Variants in MAP3K4 observed in about 807,000 individuals in gnomAD.
The protein encoded by MAP3K4 is MAP three kinase 1.
A neutral mutation model predicts 185.6 loss-of-function variants in MAP3K4; 67 were observed. The ratio of observed to expected loss-of-function variants is 0.36; its 90% CI spans 0.30 to 0.44. The LOEUF is 0.44. Among genes scored for constraint, MAP3K4 ranks in the 20% least tolerant of loss-of-function variants. The probability of loss-of-function intolerance (pLI) is 1.00; values close to 1 mark genes in which losing one functional copy is unlikely to be tolerated. For synonymous variants in MAP3K4, 702 were observed against 710.4 expected, an observed-to-expected ratio of 0.99 and a Z score of 0.19; for missense variants, 1,551 against 1,995.1, an observed-to-expected ratio of 0.78 and a Z score of 4.24.
At chr6:161,016,888 G>A (rs1350474229) in intron 1 of MAP3K4, among the ~76,000 whole-genome samples, 1 of 152,150 alleles carries the variant, frequency 6.6e-6, no homozygotes, top group Admixed American at 6.5e-5. Context: ...TTTATTGCAT[G>A]GATGGTTTAA....
chr6:161,044,807 G>T (rs1167598159), intron 2 of MAP3K4, among the ~76,000 whole-genome samples: 1 of 152,190 alleles, frequency 6.6e-6, no homozygotes, highest in Admixed American at 6.5e-5. Context: ...GGAAGGTGAA[G>T]AGGAAGCAGG....
In MAP3K4 at chr6:161,100,007, A is replaced by G. The variant is rs12528950; in HGVS notation, c.3674+1580A>G. Among the ~76,000 whole-genome samples, 22,204 of 152,242 alleles carry G rather than the reference A, an allele frequency of 0.15. 2,178 individuals are homozygous for G. The highest frequency in any genetic ancestry group is 0.29 in the Admixed American group (4,456 of 15,286). On this transcript the variant is annotated intron_variant, in intron 17 of 26. Transcript: ENST00000392142. This position sits in a 1 kb window ranked among gnomAD's most constrained non-coding sequence, Gnocchi z 5.8. ...AATTTTAATAGTATCATAGCATGGT[A>G]TCTTGAAGGACATTTTTTACTCAGG...
chr6:161,106,780 AT>A lies in MAP3K4; in HGVS notation c.4048+76del. 3.9e-6 allele frequency: 5 copies of A among 1,282,208 alleles called. No individual in the cohort carries two copies. The highest frequency in any genetic ancestry group is 5.4e-6 in the Non-Finnish European group (5 of 932,774). The allele number at this position is 1,282,208 out of a possible 1,614,324, so 79.4% of individuals were successfully genotyped here. ...CAATAGTTATACTTCTTTAGGTTGA[AT>A]CCTATAGAGTTGGCCCTTTTTTCTT... On this transcript the variant is annotated intron_variant, in intron 20 of 26. Coordinates refer to ENST00000392142, the MANE Select transcript of MAP3K4 (RefSeq NM_005922.4). This position sits in a 1 kb window ranked among gnomAD's most constrained non-coding sequence, Gnocchi z 4.9.
Position 161,048,546 on chromosome 6 carries a change from A to G in MAP3K4, c.344-70A>G, listed in dbSNP as rs1783846998. On this transcript the variant is annotated intron_variant, in intron 2 of 26. Coordinates refer to ENST00000392142, the MANE Select transcript of MAP3K4 (RefSeq NM_005922.4). This position sits in a 1 kb window ranked among gnomAD's most constrained non-coding sequence, Gnocchi z 4.7. The stretch of plus-strand genomic sequence containing the variant: ...ATAAATATGTGTGAATACCAGTTTT[A>G]TTGAAAATATTGAGAGTAGCTTCAT... The G allele has an allele frequency of 1.9e-6, 2 of 1,031,558 alleles. No individual in the cohort carries two copies. The highest frequency in any genetic ancestry group is 2.8e-6 in the Non-Finnish European group (2 of 723,992). 63.9% of individuals were successfully genotyped at this position (1,031,558 alleles called of 1,614,324 possible).
At chr6:160,994,991 G>A (rs371789103) in intron 1 of MAP3K4, among the ~76,000 whole-genome samples, 12 of 152,182 alleles carry the variant, frequency 7.9e-5, no homozygotes, top group East Asian at 1.9e-4. Context: ...GAGCCACTGC[G>A]CCTGGCCAGT....
chr6:161,096,919 T>C lies in MAP3K4; in HGVS notation c.3428-161T>C. 1.9e-6 allele frequency: 1 copy of C among 531,762 alleles called. No homozygotes were observed. Among genetic ancestry groups the C allele is most frequent in the Non-Finnish European group, 3.4e-6 (1 of 296,206 alleles). The allele number at this position is 531,762 out of a possible 1,614,324, so 32.9% of individuals were successfully genotyped here. On this transcript the variant is annotated intron_variant, in intron 15 of 26. Transcript: ENST00000392142. The surrounding 1 kb of genome is among the most constrained non-coding windows in gnomAD (Gnocchi z 4.9). ...GACTTTTAAAAAGTGACATTTTCCATAATATTTGTATATGTAATATTATTT... is the reference window on the plus strand; with the variant it reads ...GACTTTTAAAAAGTGACATTTTCCACAATATTTGTATATGTAATATTATTT...
chr6:161,025,841 T>A (rs960877874), intron 1 of MAP3K4, among the ~76,000 whole-genome samples: 4 of 152,226 alleles, frequency 2.6e-5, no homozygotes, highest in African/African-American at 9.6e-5. Context: ...GTCTTTGGCA[T>A]AAGCCCCTTT....
At position 161,054,228 on chromosome 6, in the gene MAP3K4, C is replaced by A. The variant is rs1369055973; in HGVS notation, c.1707+4249C>A. On this transcript the variant is annotated intron_variant, in intron 3 of 26. Transcript: ENST00000392142. The surrounding 1 kb of genome is among the most constrained non-coding windows in gnomAD (Gnocchi z 4.2). ...GGAGTGCAATGGCGCTATCTCAGCTCCCTGAGACCTTTGCCTTGGGGGTTC... is the reference window on the plus strand; with the variant it reads ...GGAGTGCAATGGCGCTATCTCAGCTACCTGAGACCTTTGCCTTGGGGGTTC... Among the ~76,000 whole-genome samples, 2 of 152,114 alleles carry A rather than the reference C, an allele frequency of 1.3e-5. No individual in the cohort carries two copies. Among genetic ancestry groups the A allele is most frequent in the Non-Finnish European group, 2.9e-5 (2 of 68,032 alleles).
At chr6:161,094,947 G>T (rs781122331) in intron 15 of MAP3K4, among the ~76,000 whole-genome samples, 2 of 152,148 alleles carry the variant, frequency 1.3e-5, no homozygotes, top group Non-Finnish European at 2.9e-5. Context: ...CATTTTCATT[G>T]TGGAAAAATC....
rs1784617939 is a variant in MAP3K4, at chr6:161,064,525, G to A, written c.1708-6083G>A. On this transcript the variant is annotated intron_variant, in intron 3 of 26. Transcript: ENST00000392142. This position sits in a 1 kb window ranked among gnomAD's most constrained non-coding sequence, Gnocchi z 4.3. ...GTTCTGATCTGTTTATTACTGTGCA[G>A]GCTTATTCTATTTTAAATAGAGTAG... Among the ~76,000 whole-genome samples, 1 of 151,812 alleles carries A rather than the reference G, an allele frequency of 6.6e-6. No individual in the cohort carries two copies. Among genetic ancestry groups the A allele is most frequent in the Admixed American group, 6.6e-5 (1 of 15,234 alleles).
intron 13 of MAP3K4, among the ~76,000 whole-genome samples, 186 bp downstream of exon 13, chr6:161,092,329 T>G (rs1941001462): frequency 6.6e-6 from 1 of 152,144 alleles, no homozygotes; most frequent in African/African-American, 2.4e-5. Context: ...GGAAAAAATT[T>G]TTTTTTAAAT....
chr6:161,038,580 A>G (rs1334752679), intron 2 of MAP3K4, among the ~76,000 whole-genome samples: 2 of 152,192 alleles, frequency 1.3e-5, no homozygotes, highest in African/African-American at 2.4e-5. Flanking sequence ...CACCAATAAC[A>G]TTTGCATTTT....
chr6:161,080,269 C>G lies in MAP3K4; in HGVS notation c.2098-612C>G, dbSNP rs961025571. Among the ~76,000 whole-genome samples, 1 of 152,176 alleles carries G rather than the reference C, an allele frequency of 6.6e-6. No homozygotes were observed. Among genetic ancestry groups the G allele is most frequent in the Non-Finnish European group, 1.5e-5 (1 of 68,032 alleles). ...AAAACTGCTTGATAGTTGAACCCTG[C>G]TGACCACGGGATAAATCTAAAGGAG... On this transcript the variant is annotated intron_variant, in intron 5 of 26. Coordinates refer to ENST00000392142, the MANE Select transcript of MAP3K4 (RefSeq NM_005922.4). The surrounding 1 kb of genome is among the most constrained non-coding windows in gnomAD (Gnocchi z 4.8).
intron 1 of MAP3K4, among the ~76,000 whole-genome samples, chr6:161,002,419 T>C (rs1771620627): frequency 6.6e-6 from 1 of 152,164 alleles, no homozygotes; most frequent in Admixed American, 6.5e-5. Context: ...TAGATTGATC[T>C]AGCTACTGCC....
intron 2 of MAP3K4, among the ~76,000 whole-genome samples, chr6:161,035,567 C>T (rs964533247): frequency 1.3e-5 from 2 of 152,160 alleles, no homozygotes; most frequent in Admixed American, 6.5e-5. Flanking sequence ...ATGATTTTTC[C>T]ACATAAGATA....
rs1423120413 is a variant in MAP3K4 at position 161,086,014 on chromosome 6, A to C, written c.2373-365A>C. On this transcript the variant is annotated intron_variant, in intron 7 of 26. Coordinates refer to ENST00000392142, the MANE Select transcript of MAP3K4 (RefSeq NM_005922.4). The surrounding 1 kb of genome is among the most constrained non-coding windows in gnomAD (Gnocchi z 4.8). ...ATTTAGGGTCACCCAGTTGTTAAAT[A>C]TTTCCCAGATCACACTGTATAGATT... 1.3e-5 allele frequency among the ~76,000 whole-genome samples: 2 copies of C among 152,196 alleles called. No homozygotes were observed. Among genetic ancestry groups the C allele is most frequent in the African/African-American group, 4.8e-5 (2 of 41,448 alleles).
chr6:161,100,634 G>A lies in MAP3K4; in HGVS notation c.3675-1258G>A, dbSNP rs1219177669. ...CCGACATCCCCCACCAGAGCTAGTC[G>A]TTCAACATTCCCCAATATGCCACTT... On this transcript the variant is annotated intron_variant, in intron 17 of 26. Transcript: ENST00000392142. This position sits in a 1 kb window ranked among gnomAD's most constrained non-coding sequence, Gnocchi z 5.8. Among the ~76,000 whole-genome samples, 1 of 152,050 alleles carries A rather than the reference G, an allele frequency of 6.6e-6. No individual in the cohort carries two copies. Among genetic ancestry groups the A allele is most frequent in the Non-Finnish European group, 1.5e-5 (1 of 68,010 alleles).
chr6:161,009,010 G>T (rs2115070772), intron 1 of MAP3K4, among the ~76,000 whole-genome samples: 1 of 149,306 alleles, frequency 6.7e-6, no homozygotes, highest in Non-Finnish European at 1.5e-5. Flanking sequence ...TTTTGAGACG[G>T]AATCTCACTC....
At position 161,103,538 on chromosome 6, in the gene MAP3K4, G is replaced by A. The variant is rs750622607; in HGVS notation, c.3856+759G>A. ...AAGGAAGTGTGCACCCAGAGGCCTC[G>A]TGACTACAGGGGAGAGCCACTGGGC... is the stretch of plus-strand genomic sequence containing the variant. On this transcript the variant is annotated intron_variant, in intron 19 of 26. Coordinates refer to ENST00000392142, the MANE Select transcript of MAP3K4 (RefSeq NM_005922.4). The surrounding 1 kb of genome is among the most constrained non-coding windows in gnomAD (Gnocchi z 4.6). Among the ~76,000 whole-genome samples the A allele has an allele frequency of 2.0e-5, 3 of 152,170 alleles. No individual in the cohort carries two copies. Among genetic ancestry groups the A allele is most frequent in the African/African-American group, 4.8e-5 (2 of 41,444 alleles).
Sources: allele counts gnomAD v4.1 joint callset (sites outside exome capture counted in the v4.1 genomes callset), GRCh38; gene constraint gnomAD v4.1.1; non-coding constraint Gnocchi (gnomAD v3.1); transcripts MANE v1.5; gene names NCBI Gene and HGNC (gene_info 2026-07-23, HGNC 2026-07-21).